Variants in HDAC9 observed in about 807,000 individuals in gnomAD.
HDAC9 encodes MEF-2 interacting transcription repressor (MITR) protein.
In HDAC9, 41 loss-of-function variants were observed where a neutral mutation model predicts 139.4. The observed-to-expected ratio is 0.29, with a 90% CI of 0.23 to 0.38. The LOEUF is 0.38. HDAC9 is among the 10% of genes least tolerant of loss of function. The probability of loss-of-function intolerance (pLI) is 1.00; values close to 1 mark genes in which losing one functional copy is unlikely to be tolerated. For missense variants in HDAC9, 1,147 were observed against 1,297.0 expected, an observed-to-expected ratio of 0.88 and a Z score of 1.78; for synonymous variants, 517 against 476.2, an observed-to-expected ratio of 1.09 and a Z score of -1.12.
intron 2 of HDAC9, among the ~76,000 whole-genome samples, chr7:18,507,383 C>T (rs1389804486): frequency 1.3e-5 from 2 of 151,318 alleles, no homozygotes; most frequent in African/African-American, 2.4e-5. Flanking sequence ...TTAGTAGAGA[C>T]GGGGTTTCAC....
intron 15 of HDAC9, among the ~76,000 whole-genome samples, chr7:18,764,948 A>G (rs530762884): frequency 2.6e-5 from 4 of 152,288 alleles, no homozygotes; most frequent in Admixed American, 2.0e-4. Context: ...GAAAATGAAC[A>G]TCATTTATCT....
At chr7:18,894,520 G>C (rs954688302) in intron 22 of HDAC9, among the ~76,000 whole-genome samples, 3 of 152,066 alleles carry the variant, frequency 2.0e-5, no homozygotes, top group African/African-American at 4.8e-5. Flanking sequence ...GGCCACTTCT[G>C]ACCTAGACAA....
chr7:18,378,889 A>G (rs1419330322), intron 1 of HDAC9, among the ~76,000 whole-genome samples: 2 of 152,172 alleles, frequency 1.3e-5, no homozygotes, highest in Non-Finnish European at 1.5e-5. Flanking sequence ...AAATATGGAA[A>G]GCCTTCCCTT....
At chr7:18,229,486 C>T (rs559523560) in intron 2 of HDAC9, among the ~76,000 whole-genome samples, 2 of 152,242 alleles carry the variant, frequency 1.3e-5, no homozygotes, top group South Asian at 2.1e-4. Flanking sequence ...CCTGATGTGC[C>T]GAAAGGTGCC....
chr7:18,656,047 C>CTT (rs537627975), intron 11 of HDAC9, among the ~76,000 whole-genome samples: 5,976 of 137,542 alleles, frequency 0.043, 193 homozygotes, highest in African/African-American at 0.095. Flanking sequence ...GTAGCAGTCT[C>CTT]TTTTTTTTTT....
chr7:18,096,386 G>C (rs1390596191), intron 1 of HDAC9, among the ~76,000 whole-genome samples: 2 of 152,064 alleles, frequency 1.3e-5, no homozygotes, highest in Non-Finnish European at 2.9e-5. Context: ...AAAACACCAA[G>C]TGCAAACAAC....
At chr7:18,348,605 T>C (rs1054324675) in intron 1 of HDAC9, among the ~76,000 whole-genome samples, 2 of 152,336 alleles carry the variant, frequency 1.3e-5, no homozygotes, top group Non-Finnish European at 2.9e-5. Context: ...CACACATCTG[T>C]TGTTCTGAGC....
At position 18,495,769 on chromosome 7, in the gene HDAC9, A is replaced by T; in HGVS notation, c.-296A>T. On this transcript the variant is annotated 5_prime_UTR_variant, in exon 1 of 26. Coordinates refer to ENST00000686413, the MANE Select transcript of HDAC9 (RefSeq NM_178425.4). ...AGGGGGAAGAGAGGCACAGACACAG[A>T]TAGGAGAAGGGCACCGGCTGGAGCC... The T allele has an allele frequency of 1.0e-6, 1 of 994,342 alleles. No individual in the cohort carries two copies. The allele number at this position is 994,342 out of a possible 1,614,324, so 61.6% of individuals were successfully genotyped here.
At chr7:18,968,444 T>C (rs778832177) in intron 24 of HDAC9, among the ~76,000 whole-genome samples, 8 of 152,040 alleles carry the variant, frequency 5.3e-5, no homozygotes, top group South Asian at 4.1e-4. Context: ...TAGAGAGATA[T>C]ATGATACAGA....
intron 1 of HDAC9, among the ~76,000 whole-genome samples, chr7:18,483,897 C>T (rs1795773308): frequency 6.6e-6 from 1 of 151,986 alleles, no homozygotes; most frequent in Non-Finnish European, 1.5e-5. Flanking sequence ...TGTTTTCTAT[C>T]AACTGATTTG....
chr7:18,785,675 G>A (rs1791654103), intron 16 of HDAC9, among the ~76,000 whole-genome samples: 2 of 152,064 alleles, frequency 1.3e-5, no homozygotes, highest in South Asian at 2.1e-4. Context: ...AACTCTTTAT[G>A]CATATATGAT....
intron 1 of HDAC9, among the ~76,000 whole-genome samples, chr7:18,091,143 T>C (rs188295913): frequency 6.6e-6 from 1 of 152,330 alleles, no homozygotes; most frequent in East Asian, 1.9e-4. Flanking sequence ...ATGTATATTC[T>C]TACTCTTCCA....
At chr7:18,358,842 A>G (rs898881799) in intron 1 of HDAC9, among the ~76,000 whole-genome samples, 11 of 152,242 alleles carry the variant, frequency 7.2e-5, no homozygotes, top group Admixed American at 7.2e-4. Flanking sequence ...AAATTGAGGT[A>G]TAATAACCAC....
chr7:18,475,085 T>C (rs1350692506), intron 1 of HDAC9, among the ~76,000 whole-genome samples: 6 of 152,228 alleles, frequency 3.9e-5, no homozygotes. Flanking sequence ...AAGCAAGGCC[T>C]GCTGTAGTGT....
At position 18,954,180 on chromosome 7, in the gene HDAC9, G is replaced by A. The variant is rs1782992894; in HGVS notation, c.2972G>A (p.Ser991Asn). Reference sequence around the variant, plus strand: ...CTTGCAGAAGATATTCTCCACCAAAGCCCGAATATGAATGCTGTTATTTCT... The same window carrying A: ...CTTGCAGAAGATATTCTCCACCAAAACCCGAATATGAATGCTGTTATTTCT... ...EPLAEDILHQ[S>N]PNMNAVISLQ... Residue 991 changes from serine to asparagine, a missense_variant, in exon 24 of 26, where the codon AGC becomes AAC. Physicochemically the swap from Ser to Asn is conservative, Grantham distance 46 (BLOSUM62 1). Coordinates refer to ENST00000686413, the MANE Select transcript of HDAC9 (RefSeq NM_178425.4). 4 of 1,573,282 alleles carry A rather than the reference G, an allele frequency of 2.5e-6. No homozygotes were observed. The highest frequency in any genetic ancestry group is 3.5e-6 in the Non-Finnish European group (4 of 1,153,526).
At chr7:18,678,396 A>G (rs1220719860) in intron 12 of HDAC9, among the ~76,000 whole-genome samples, 1 of 151,600 alleles carries the variant, frequency 6.6e-6, no homozygotes, top group African/African-American at 2.4e-5. Context: ...GTCAAGTGTT[A>G]TTTCATCTGA....
At chr7:18,232,077 A>G (rs1346526446) in intron 2 of HDAC9, among the ~76,000 whole-genome samples, 2 of 152,208 alleles carry the variant, frequency 1.3e-5, no homozygotes, top group Non-Finnish European at 2.9e-5. Context: ...GAGACATTAT[A>G]TTTAAGCACA....
rs532222239 is a variant in HDAC9, at chr7:18,361,143, A to G, written c.-42+70628A>G. ...TTCTTTGTCTACATACCATCCAACT[A>G]TGAACAATAATGTATTTTATAGACT... On this transcript the variant is annotated intron_variant, in intron 1 of 3. Transcript: ENST00000413509. Among the ~76,000 whole-genome samples, 9 of 152,236 alleles carry G rather than the reference A, an allele frequency of 5.9e-5. No homozygotes were observed. In the East Asian group the frequency reaches 1.5e-3, roughly 26 times the overall value.
At chr7:18,240,750 C>A (rs1318749076) in intron 2 of HDAC9, among the ~76,000 whole-genome samples, 1 of 152,198 alleles carries the variant, frequency 6.6e-6, no homozygotes, top group African/African-American at 2.4e-5. Flanking sequence ...CACCTCAAAT[C>A]TTTCTGGCCT....
Sources: gnomAD v4.1 joint callset for allele counts (sites outside exome capture counted in the v4.1 genomes callset) on GRCh38, gnomAD v4.1.1 for gene constraint, MANE v1.5 for transcripts, NCBI Gene and HGNC (gene_info 2026-07-23, HGNC 2026-07-21) for gene names.